The following SLIT3 variants were observed in gnomAD, a reference collection of about 807,000 sequenced individuals.
The protein encoded by SLIT3 is slit homolog 3 protein.
Under a neutral mutation model 184.0 loss-of-function variants are expected in SLIT3, and 68 were observed. The observed-to-expected ratio is 0.37, with a 90% CI of 0.30 to 0.45. SLIT3 has a LOEUF of 0.45. Among genes scored for constraint, SLIT3 ranks in the 20% least tolerant of loss-of-function variants. SLIT3 has a pLI of 1.00. For synonymous variants in SLIT3, 831 were observed against 828.6 expected, an observed-to-expected ratio of 1.00 and a Z score of -0.05; for missense variants, 1,707 against 2,026.0, an observed-to-expected ratio of 0.84 and a Z score of 3.02.
intron 4 of SLIT3, among the ~76,000 whole-genome samples, chr5:169,177,583 G>A (rs969201492): frequency 7.2e-5 from 11 of 152,148 alleles, no homozygotes; most frequent in African/African-American, 2.7e-4. Flanking sequence ...AGGAAAGCCT[G>A]GTCAGGTCCT....
intron 4 of SLIT3, among the ~76,000 whole-genome samples, chr5:168,962,452 A>T (rs1581249116): frequency 6.6e-6 from 1 of 152,298 alleles, no homozygotes; most frequent in East Asian, 1.9e-4. Flanking sequence ...TTTTAGGAGA[A>T]TATAACCAGA....
chr5:168,855,745 C>T (rs183303102), intron 5 of SLIT3, among the ~76,000 whole-genome samples: 185 of 152,174 alleles, frequency 1.2e-3, no homozygotes, highest in African/African-American at 3.8e-3. Context: ...GAGTGACTGC[C>T]GAATGGGTAC....
At chr5:169,209,718 T>G (rs1322330592) in intron 3 of SLIT3, among the ~76,000 whole-genome samples, 3 of 152,054 alleles carry the variant, frequency 2.0e-5, no homozygotes, top group African/African-American at 7.2e-5. Context: ...ACACCACATG[T>G]TCTCACTCAT....
intron 5 of SLIT3, among the ~76,000 whole-genome samples, chr5:168,862,282 G>A (rs550767282): frequency 2.6e-5 from 4 of 152,228 alleles, no homozygotes; most frequent in East Asian, 3.9e-4. Context: ...GGTGATGAGC[G>A]CACCAAAATT....
intron 5 of SLIT3, 74 bp from the exon 6 acceptor site, chr5:168,844,729 G>T (rs1581138740): frequency 3.5e-6 from 5 of 1,417,342 alleles, no homozygotes; most frequent in East Asian, 4.6e-5. Flanking sequence ...GGCCACCCGA[G>T]CGCCTGTCCC....
chr5:169,157,754 G>A (rs185148333), intron 4 of SLIT3, among the ~76,000 whole-genome samples: 9 of 152,266 alleles, frequency 5.9e-5, no homozygotes, highest in African/African-American at 2.2e-4. Flanking sequence ...AAACAGCCAT[G>A]CTAGAAATGT....
chr5:169,231,725 T>C (rs1188338172), intron 3 of SLIT3, among the ~76,000 whole-genome samples: 1 of 152,188 alleles, frequency 6.6e-6, no homozygotes, highest in Non-Finnish European at 1.5e-5. Flanking sequence ...AAGGTACATG[T>C]ACATTCAGCT....
chr5:168,874,030 C>T (rs1488861632), intron 5 of SLIT3, among the ~76,000 whole-genome samples: 3 of 152,088 alleles, frequency 2.0e-5, no homozygotes, highest in Non-Finnish European at 2.9e-5. Flanking sequence ...ACCCCTGAGT[C>T]GTACTTTGAG....
At chr5:168,994,392 T>C (rs1262402211) in intron 4 of SLIT3, among the ~76,000 whole-genome samples, 1 of 151,984 alleles carries the variant, frequency 6.6e-6, no homozygotes, top group African/African-American at 2.4e-5. Flanking sequence ...TCCACACTTT[T>C]CCTACCTGGA....
chr5:169,261,309 G>A (rs550480644), intron 1 of SLIT3, among the ~76,000 whole-genome samples: 29 of 115,362 alleles, frequency 2.5e-4, no homozygotes, highest in Middle Eastern at 4.0e-3. Flanking sequence ...AGAATTTTAG[G>A]TTTAAAAACA....
At chr5:168,687,144 T>C (rs916675433) in intron 29 of SLIT3, 28 bp from the exon 30 acceptor site, 1 of 1,606,018 alleles carries the variant, frequency 6.2e-7, no homozygotes, top group Admixed American at 1.7e-5. Context: ...GCAAGGCCGT[T>C]CCTCAAGGCA....
chr5:168,698,454 C>A (rs1762122357), intron 27 of SLIT3, among the ~76,000 whole-genome samples: 1 of 152,018 alleles, frequency 6.6e-6, no homozygotes, highest in Admixed American at 6.6e-5. Context: ...AGCCACAAGC[C>A]AAAGAATGCC....
intron 4 of SLIT3, among the ~76,000 whole-genome samples, chr5:168,998,854 T>G (rs1755603798): frequency 6.6e-6 from 1 of 151,976 alleles, no homozygotes; most frequent in Non-Finnish European, 1.5e-5. Flanking sequence ...CCTACCCCAG[T>G]CCCACTGAAT....
intron 8 of SLIT3, among the ~76,000 whole-genome samples, chr5:168,807,162 AG>A (rs1357435873): frequency 3.9e-5 from 6 of 152,346 alleles, no homozygotes; most frequent in Non-Finnish European, 7.3e-5. Flanking sequence ...CCTGAAAAAA[AG>A]GTGAGTAAGT....
chr5:168,914,967 T>A (rs1466573726), intron 4 of SLIT3, among the ~76,000 whole-genome samples: 10 of 152,326 alleles, frequency 6.6e-5, no homozygotes, highest in Middle Eastern at 3.4e-3. Flanking sequence ...TCAAACATTT[T>A]AAAAATTCTA....
chr5:168,907,260 C>A (rs973141723), intron 4 of SLIT3, among the ~76,000 whole-genome samples: 6 of 152,226 alleles, frequency 3.9e-5, no homozygotes, highest in Non-Finnish European at 8.8e-5. Context: ...CGGTGCAGAG[C>A]CACAGCTTTG....
At chr5:169,010,686 G>A (rs1756108978) in intron 4 of SLIT3, among the ~76,000 whole-genome samples, 1 of 152,102 alleles carries the variant, frequency 6.6e-6, no homozygotes, top group South Asian at 2.1e-4. Flanking sequence ...CAGACTGCCT[G>A]AGCTCAGGAG....
intron 4 of SLIT3, among the ~76,000 whole-genome samples, chr5:169,084,812 G>A (rs1348969734): frequency 6.6e-6 from 1 of 152,162 alleles, no homozygotes; most frequent in African/African-American, 2.4e-5. Context: ...GGGCCCAGAG[G>A]GGCGCAAATC....
intron 7 of SLIT3, among the ~76,000 whole-genome samples, chr5:168,820,089 A>G (rs1269127413): frequency 6.6e-6 from 1 of 152,214 alleles, no homozygotes; most frequent in Non-Finnish European, 1.5e-5. Flanking sequence ...TAAAAGAAAA[A>G]TAATCATAAT....
Sources: allele counts gnomAD v4.1 joint callset (sites outside exome capture counted in the v4.1 genomes callset), GRCh38; gene constraint gnomAD v4.1.1; transcripts MANE v1.5; gene names NCBI Gene and HGNC (gene_info 2026-07-23, HGNC 2026-07-21).